EHMT1: variants seen among roughly 807,000 people sequenced by gnomAD.
EHMT1 encodes the protein histone-lysine N-methyltransferase EHMT1.
Under a neutral mutation model 147.2 loss-of-function variants are expected in EHMT1, and 15 were observed. The observed-to-expected ratio is 0.10, with a 90% confidence interval of 0.07 to 0.16. The LOEUF (loss-of-function observed/expected upper bound fraction) is 0.16. Among genes scored for constraint, EHMT1 ranks in the 10% least tolerant of loss-of-function variants. EHMT1 has a pLI of 1.00. For synonymous variants in EHMT1, 795 were observed against 709.6 expected, an observed-to-expected ratio of 1.12 and a Z score of -1.91; for missense variants, 1,587 against 1,772.4, an observed-to-expected ratio of 0.90 and a Z score of 1.88.
At chr9:137,780,601 G>GGCATC (rs1951356712) in intron 14 of EHMT1, among the ~76,000 whole-genome samples, 1 of 143,342 alleles carries the variant, frequency 7.0e-6, no homozygotes, top group African/African-American at 2.7e-5. Flanking sequence ...GTGTGGTGAT[G>GGCATC]ACGCTGGGAT....
intron 25 of EHMT1, among the ~76,000 whole-genome samples, chr9:137,827,383 G>C (rs1248205813): frequency 6.6e-6 from 1 of 152,146 alleles, no homozygotes; most frequent in Admixed American, 6.5e-5. Flanking sequence ...TTTTGGGGAT[G>C]TGGAGAGCCA....
At chr9:137,741,906 C>T (rs996658629) in intron 4 of EHMT1, among the ~76,000 whole-genome samples, 1 of 152,186 alleles carries the variant, frequency 6.6e-6, no homozygotes, top group Non-Finnish European at 1.5e-5. Context: ...AAATCCAGGC[C>T]TCCTTCATCC....
rs1481167435 is a variant in EHMT1, at chr9:137,784,137, G to A, written c.2382+1740G>A. 5.8e-6 allele frequency: 9 copies of A among 1,540,068 alleles called. No homozygotes were observed. In the East Asian group the frequency reaches 9.8e-5, roughly 17 times the overall value. ...AGGCTGGGAAGCCCAAGGTCGAGGG[G>A]CTGCCTTTGGTGACTTATGGTGAGG... On this transcript the variant is annotated intron_variant, in intron 15 of 26. Transcript: ENST00000460843.
In EHMT1 at chr9:137,732,041, G is replaced by C. The variant is rs1403996940; in HGVS notation, c.823+3512G>C. Among the ~76,000 whole-genome samples the C allele has an allele frequency of 6.6e-6, 1 of 152,266 alleles. No homozygotes were observed. The highest frequency in any genetic ancestry group is 1.5e-5 in the Non-Finnish European group (1 of 68,042). On this transcript the variant is annotated intron_variant, in intron 4 of 26. Transcript: ENST00000460843. The surrounding 1 kb of genome is among the most constrained non-coding windows in gnomAD (Gnocchi z 4.6). ...TGGGAGAGTGTGCTATAGCTCTCTTGCTGTCACCACCCACAGTACGGGCTG... is the reference window on the plus strand; with the variant it reads ...TGGGAGAGTGTGCTATAGCTCTCTTCCTGTCACCACCCACAGTACGGGCTG...
At chr9:137,622,537 G>A (rs1842998650) in intron 1 of EHMT1, among the ~76,000 whole-genome samples, 2 of 152,116 alleles carry the variant, frequency 1.3e-5, no homozygotes, top group Admixed American at 6.6e-5. Flanking sequence ...TTTAGGGGTC[G>A]ACTATGGACT....
At chr9:137,675,167 T>G (rs1398050182) in intron 1 of EHMT1, 1 of 152,168 alleles carries the variant, frequency 6.6e-6, no homozygotes, top group Non-Finnish European at 1.5e-5. Context: ...GTGAACTTGA[T>G]TCCATGGGCA....
intron 10 of EHMT1, among the ~76,000 whole-genome samples, chr9:137,765,091 C>T (rs1313456471): frequency 1.3e-5 from 2 of 152,202 alleles, no homozygotes; most frequent in East Asian, 1.9e-4. Context: ...CGCCCGAAGG[C>T]GGTATTGTCC....
intron 1 of EHMT1, among the ~76,000 whole-genome samples, chr9:137,691,428 T>G (rs1352140624): frequency 6.6e-6 from 1 of 151,824 alleles, no homozygotes; most frequent in East Asian, 1.9e-4. Context: ...TCTGCCCGCC[T>G]CAGCCTCCCA....
At chr9:137,808,603 G>A (rs541764019) in intron 18 of EHMT1, among the ~76,000 whole-genome samples, 1 of 147,396 alleles carries the variant, frequency 6.8e-6, no homozygotes, top group African/African-American at 2.5e-5. Context: ...AAGGCTGGGC[G>A]TTTGAACAGT....
chr9:137,809,459 A>C (rs1052902493), intron 18 of EHMT1, among the ~76,000 whole-genome samples: 8 of 152,090 alleles, frequency 5.3e-5, no homozygotes, highest in African/African-American at 1.7e-4. Context: ...ATGGAAGCAG[A>C]GCCTGCGGGG....
chr9:137,790,039 C>T (rs575612635), intron 15 of EHMT1, among the ~76,000 whole-genome samples: 2 of 152,224 alleles, frequency 1.3e-5, no homozygotes, highest in South Asian at 2.1e-4. Flanking sequence ...CTCTCCACCC[C>T]CTTAGCCGTT....
intron 25 of EHMT1, among the ~76,000 whole-genome samples, chr9:137,821,487 C>T (rs1314828473): frequency 7.2e-5 from 11 of 151,806 alleles, no homozygotes; most frequent in Admixed American, 7.2e-4. Context: ...ACTACAATGC[C>T]CGGCTAATTT....
intron 10 of EHMT1, among the ~76,000 whole-genome samples, chr9:137,774,073 C>G (rs1452012772): frequency 6.6e-6 from 1 of 152,214 alleles, no homozygotes; most frequent in African/African-American, 2.4e-5. Flanking sequence ...GTGTCCTGCT[C>G]CTTGCCTTGT....
intron 6 of EHMT1, among the ~76,000 whole-genome samples, chr9:137,749,605 T>C (rs1948817266): frequency 6.6e-6 from 1 of 152,182 alleles, no homozygotes; most frequent in African/African-American, 2.4e-5. Flanking sequence ...CAGCCTCTTC[T>C]TAATTCTGAT....
intron 17 of EHMT1, 48 bp downstream of exon 17, chr9:137,798,962 G>A (rs1418182755): frequency 1.3e-5 from 19 of 1,456,898 alleles, no homozygotes; most frequent in Non-Finnish European, 1.5e-5. Flanking sequence ...GACTGGCTAC[G>A]GAAACTCACT....
intron 1 of EHMT1, among the ~76,000 whole-genome samples, chr9:137,680,156 T>A (rs575270158): frequency 3.9e-5 from 6 of 152,326 alleles, no homozygotes; most frequent in Middle Eastern, 3.4e-3. Context: ...TTGTGGCTTT[T>A]TTTTAGTTGC....
intron 25 of EHMT1, chr9:137,832,666 C>T (rs895123507): frequency 6.5e-6 from 1 of 152,716 alleles, no homozygotes; most frequent in South Asian, 2.0e-4. Flanking sequence ...TTGTCTTTAT[C>T]TGGTTCTGGT....
chr9:137,672,656 C>T (rs903214048), intron 1 of EHMT1, among the ~76,000 whole-genome samples: 2 of 152,350 alleles, frequency 1.3e-5, no homozygotes, highest in South Asian at 4.1e-4. Context: ...ACCAACCAAC[C>T]AGTTTCTGCC....
chr9:137,668,980 A>G (rs1174873663), intron 1 of EHMT1, among the ~76,000 whole-genome samples: 3 of 152,080 alleles, frequency 2.0e-5, no homozygotes, highest in African/African-American at 7.2e-5. Context: ...TCCGCCTCCC[A>G]GGTTCTCGCC....
Sources: gnomAD v4.1 joint callset for allele counts (sites outside exome capture counted in the v4.1 genomes callset) on GRCh38, gnomAD v4.1.1 for gene constraint, Gnocchi (gnomAD v3.1) non-coding constraint, MANE v1.5 for transcripts, NCBI Gene and HGNC (gene_info 2026-07-23, HGNC 2026-07-21) for gene names.